The following ZNF587 variants were observed in gnomAD, a reference collection of about 807,000 sequenced individuals.
ZNF587 encodes the protein zinc finger protein 587.
In ZNF587, 8 loss-of-function variants were observed where a neutral mutation model predicts 7.5. The observed-to-expected ratio is 1.06, with a 90% CI of 0.62 to 1.92. The LOEUF (loss-of-function observed/expected upper bound fraction) is 1.92, where lower values mean the gene tolerates loss of function less well. ZNF587 is among the 40% of genes most tolerant of loss of function. ZNF587 has a pLI of 0.00. For missense variants in ZNF587, 468 were observed against 692.8 expected (o/e 0.68, Z 3.64); for synonymous variants, 145 against 237.8 (o/e 0.61, Z 3.59).
In ZNF587 at chr19:57,854,161, C is replaced by A. The variant is rs1220192849; in HGVS notation, c.34-1943C>A. On this transcript the variant is annotated intron_variant, in intron 1 of 2. Transcript: ENST00000339656. ...GCATATGGGCAGTGAAAAATATGCTCATCTGTGATAGTAGATGTGGTTTGG... is the reference window on the plus strand; with the variant it reads ...GCATATGGGCAGTGAAAAATATGCTAATCTGTGATAGTAGATGTGGTTTGG... 5 of 152,098 alleles carry A rather than the reference C, an allele frequency of 3.3e-5. No individual in the cohort carries two copies. In the East Asian group the frequency reaches 9.6e-4, roughly 29 times the overall value. The allele number at this position is 152,098 out of a possible 1,614,324, so 9.4% of individuals were successfully genotyped here.
chr19:57,854,689 A>G (rs1340585523), intron 1 of ZNF587, among the ~76,000 whole-genome samples: 1 of 151,860 alleles, frequency 6.6e-6, no homozygotes, highest in Non-Finnish European at 1.5e-5. Context: ...GAAACAAACC[A>G]TTGCATATTC....
chr19:57,852,395 G>T, intron 1 of ZNF587: 1 of 398,712 alleles, frequency 2.5e-6, no homozygotes, highest in Non-Finnish European at 4.4e-6. Flanking sequence ...TAGACTGTGG[G>T]TTGAGGGAAG....
Position 57,860,594 on chromosome 19 carries a change from A to G in ZNF587, c.*454A>G. 1 of 198,514 alleles carries G rather than the reference A, an allele frequency of 5.0e-6. No homozygotes were observed. The highest frequency in any genetic ancestry group is 1.3e-4 in the East Asian group (1 of 7,952). 12.3% of individuals were successfully genotyped at this position (198,514 alleles called of 1,614,324 possible). ...TCATTCTTTTCGTATTGCTTAGAAT[A>G]TGACATGCTGAACCAGGCATGGTGG... On this transcript the variant is annotated 3_prime_UTR_variant, in exon 3 of 3. Transcript: ENST00000339656.
At position 57,863,602 on chromosome 19, in the gene ZNF587, C is replaced by T. The variant is rs918033346; in HGVS notation, c.*3462C>T. On this transcript the variant is annotated 3_prime_UTR_variant, in exon 3 of 3. Transcript: ENST00000339656. ...ATATGTATTTGTGTTTTTTGGGGAG[C>T]TTAATTTGCTAATGGAATCTCTGTT... 1 of 152,128 alleles carries T rather than the reference C, an allele frequency of 6.6e-6. No individual in the cohort carries two copies. Among genetic ancestry groups the T allele is most frequent in the African/African-American group, 2.4e-5 (1 of 41,426 alleles). The allele number at this position is 152,128 out of a possible 1,614,324, so 9.4% of individuals were successfully genotyped here. A position where few individuals can be genotyped will look rare whatever the true frequency, so the allele number is the denominator to read the frequency against.
chr19:57,850,014 G>C lies in ZNF587; in HGVS notation c.-25G>C. The C allele has an allele frequency of 6.2e-7, 1 of 1,614,174 alleles. No homozygotes were observed. Among genetic ancestry groups the C allele is most frequent in the Non-Finnish European group, 8.5e-7 (1 of 1,180,052 alleles). On this transcript the variant is annotated 5_prime_UTR_variant, in exon 1 of 3. Transcript: ENST00000339656. ...CCCCGTGACGGCGACCACTGCTCCCGGGCCGTGCTTCCCCAAGTAGTCCGA... is the reference window on the plus strand; with the variant it reads ...CCCCGTGACGGCGACCACTGCTCCCCGGCCGTGCTTCCCCAAGTAGTCCGA...
In ZNF587 at chr19:57,862,662, C is replaced by CAAT. The variant is rs1568511052; in HGVS notation, c.*2522_*2523insAAT. On this transcript the variant is annotated 3_prime_UTR_variant, in exon 3 of 3. Transcript: ENST00000339656. ...TCGACACTGCAGCCACAGTTTTGGC[C>CAAT]GTAAATGTGAATTTGGCAAGTAACC... 3 of 154,836 alleles carry CAAT rather than the reference C, an allele frequency of 1.9e-5. No individual in the cohort carries two copies. The highest frequency in any genetic ancestry group is 4.4e-5 in the Non-Finnish European group (3 of 68,242). The allele number at this position is 154,836 out of a possible 1,614,324, so 9.6% of individuals were successfully genotyped here. A position where few individuals can be genotyped will look rare whatever the true frequency, so the allele number is the denominator to read the frequency against.
chr19:57,850,124 T>G, intron 1 of ZNF587, 53 bp downstream of exon 1: 1 of 1,614,140 alleles, frequency 6.2e-7, no homozygotes, highest in South Asian at 1.1e-5. Flanking sequence ...ACCCAGGTCC[T>G]AAACCAGCGA....
Position 57,850,018 on chromosome 19 carries a change from C to A in ZNF587, c.-21C>A. ...GTGACGGCGACCACTGCTCCCGGGC[C>A]GTGCTTCCCCAAGTAGTCCGATGGC... On this transcript the variant is annotated 5_prime_UTR_variant, in exon 1 of 3. Transcript: ENST00000339656. 1.2e-6 allele frequency: 2 copies of A among 1,614,224 alleles called. No individual in the cohort carries two copies. The highest frequency in any genetic ancestry group is 1.7e-6 in the Non-Finnish European group (2 of 1,180,046).
chr19:57,850,130 A>G, intron 1 of ZNF587, 59 bp downstream of exon 1: 2 of 1,613,954 alleles, frequency 1.2e-6, no homozygotes, highest in Non-Finnish European at 1.7e-6. Flanking sequence ...GTCCTAAACC[A>G]GCGAGGGAGC....
At position 57,860,385 on chromosome 19, in the gene ZNF587, C is replaced by T. The variant is rs2071419539; in HGVS notation, c.*245C>T. 5 of 623,942 alleles carry T rather than the reference C, an allele frequency of 8.0e-6. No individual in the cohort carries two copies. The East Asian group carries it at 1.5e-4, about 19-fold the overall frequency. 38.7% of individuals were successfully genotyped at this position (623,942 alleles called of 1,614,324 possible). ...CTGGGTTCATGCAATCCTCCTACCT[C>T]AGCCTCCTGAGTAGCTGGGATTATG... On this transcript the variant is annotated 3_prime_UTR_variant, in exon 3 of 3. Coordinates refer to ENST00000339656, the MANE Select transcript of ZNF587 (RefSeq NM_032828.4).
chr19:57,855,928 T>C lies in ZNF587; in HGVS notation c.34-176T>C, dbSNP rs1471148928. On this transcript the variant is annotated intron_variant, in intron 1 of 2. Transcript: ENST00000339656. ...TACCTATTTGTCCACCTACTTCTTGTTGCTGATGGCATTTGACCAGCAGGC... is the reference window on the plus strand; with the variant it reads ...TACCTATTTGTCCACCTACTTCTTGCTGCTGATGGCATTTGACCAGCAGGC... The C allele has an allele frequency of 2.2e-4, 242 of 1,112,942 alleles. 1 individual carries two copies. In the East Asian group the frequency reaches 5.2e-3, roughly 24 times the overall value. 68.9% of individuals were successfully genotyped at this position (1,112,942 alleles called of 1,614,324 possible).
At chr19:57,858,417 A>T in intron 2 of ZNF587, 159 bp from the exon 3 acceptor site, 1 of 1,436,060 alleles carries the variant, frequency 7.0e-7, no homozygotes, top group South Asian at 1.5e-5. Flanking sequence ...GTGAGCCACC[A>T]TGCCCAGCCA....
intron 2 of ZNF587, 52 bp downstream of exon 2, chr19:57,856,285 T>C (rs771709714): frequency 5.2e-5 from 80 of 1,529,176 alleles, no homozygotes; most frequent in Admixed American, 1.3e-4. Context: ...ACTGTTCCCC[T>C]GTTTTTCATT....
rs1338863477 is a variant in ZNF587, at chr19:57,861,505, AT to A, written c.*1369del. The A allele has an allele frequency of 6.6e-6, 1 of 151,564 alleles. No homozygotes were observed. The highest frequency in any genetic ancestry group is 1.5e-5 in the Non-Finnish European group (1 of 67,918). 9.4% of individuals were successfully genotyped at this position (151,564 alleles called of 1,614,324 possible). A position where few individuals can be genotyped will look rare whatever the true frequency, so the allele number is the denominator to read the frequency against. On this transcript the variant is annotated 3_prime_UTR_variant, in exon 3 of 3. Coordinates refer to ENST00000339656, the MANE Select transcript of ZNF587 (RefSeq NM_032828.4). ...ACCACCACAACTGGATAACTTTTGT[AT>A]TTTCTGTAGAGAGGGTTTTACCTTT...
rs752807667 is a variant in ZNF587, at chr19:57,862,169, C to T, written c.*2029C>T. The T allele has an allele frequency of 6.6e-6, 1 of 152,166 alleles. No individual in the cohort carries two copies. The highest frequency in any genetic ancestry group is 1.5e-5 in the Non-Finnish European group (1 of 68,032). 9.4% of individuals were successfully genotyped at this position (152,166 alleles called of 1,614,324 possible). A position where few individuals can be genotyped will look rare whatever the true frequency, so the allele number is the denominator to read the frequency against. On this transcript the variant is annotated 3_prime_UTR_variant, in exon 3 of 3. Transcript: ENST00000339656. Reference sequence around the variant, plus strand: ...CAAAGTGACAATACATATAGATTGCCAGGCAGTGAAACAGTTAAGATGCCA... The same window carrying T: ...CAAAGTGACAATACATATAGATTGCTAGGCAGTGAAACAGTTAAGATGCCA...
At chr19:57,854,878 T>TAA (rs750461064) in intron 1 of ZNF587, among the ~76,000 whole-genome samples, 9 of 141,074 alleles carry the variant, frequency 6.4e-5, no homozygotes, top group African/African-American at 2.1e-4. Flanking sequence ...CCGTCTCTAC[T>TAA]AAAAAAAAAA....
rs943840012 is a variant in ZNF587, at chr19:57,863,258, C to G, written c.*3118C>G. On this transcript the variant is annotated 3_prime_UTR_variant, in exon 3 of 3. Transcript: ENST00000339656. ...TCAGCCACCTCTTTAGCTGGGATTA[C>G]AGGTGCGTGCCACCACACCCAGCTA... 2 of 152,298 alleles carry G rather than the reference C, an allele frequency of 1.3e-5. No individual in the cohort carries two copies. Among genetic ancestry groups the G allele is most frequent in the Non-Finnish European group, 2.9e-5 (2 of 68,128 alleles). 9.4% of individuals were successfully genotyped at this position (152,298 alleles called of 1,614,324 possible).
At chr19:57,851,650 G>A (rs1439985293) in intron 1 of ZNF587, 1 of 152,524 alleles carries the variant, frequency 6.6e-6, no homozygotes, top group African/African-American at 2.4e-5. Flanking sequence ...GGAACAACGT[G>A]TGAGATGGAG....
chr19:57,850,098 A>G (rs781346399), intron 1 of ZNF587, 27 bp downstream of exon 1: 2 of 1,614,234 alleles, frequency 1.2e-6, no homozygotes, highest in East Asian at 4.5e-5. Context: ...CTGTGCCCTC[A>G]GGTCACCCCA....
Sources: gnomAD v4.1 joint callset for allele counts (sites outside exome capture counted in the v4.1 genomes callset) on GRCh38, gnomAD v4.1.1 for gene constraint, MANE v1.5 for transcripts, NCBI Gene and HGNC (gene_info 2026-07-23, HGNC 2026-07-21) for gene names.